Variants in NCOA5 observed in about 807,000 individuals in gnomAD.
The protein encoded by NCOA5 is NCoA-5.
A neutral mutation model predicts 59.0 loss-of-function variants in NCOA5; 12 were observed. The observed-to-expected ratio is 0.20, with a 90% CI of 0.13 to 0.33. NCOA5 has a LOEUF of 0.33. Ranked by LOEUF, NCOA5 falls within the 10% of genes least tolerant of loss-of-function variation. The probability of loss-of-function intolerance (pLI) is 1.00; values close to 1 mark genes in which losing one functional copy is unlikely to be tolerated. For synonymous variants in NCOA5, 270 were observed against 275.5 expected (o/e 0.98, Z 0.20); for missense variants, 655 against 766.6 (o/e 0.85, Z 1.72).
chr20:46,062,247 A>G lies in NCOA5; in HGVS notation c.*53T>C. ...CAAACAGCTCTATTTAGAACAAGTA[A>G]GTGGGAGGAGGCCAGGGGATGAGGG... On this transcript the variant is annotated 3_prime_UTR_variant, in exon 8 of 8. Transcript: ENST00000290231. 1 of 1,410,962 alleles carries G rather than the reference A, an allele frequency of 7.1e-7. No individual in the cohort carries two copies. Among genetic ancestry groups the G allele is most frequent in the South Asian group, 1.3e-5 (1 of 79,180 alleles). 87.4% of individuals were successfully genotyped at this position (1,410,962 alleles called of 1,614,324 possible). A position where few individuals can be genotyped will look rare whatever the true frequency, so the allele number is the denominator to read the frequency against.
At chr20:46,072,270 TCA>T (rs1568882213) in intron 2 of NCOA5, among the ~76,000 whole-genome samples, 2 of 152,194 alleles carry the variant, frequency 1.3e-5, no homozygotes, top group African/African-American at 4.8e-5. Context: ...TCCAGAAAGA[TCA>T]CTCTACAGTG....
At chr20:46,079,302 G>A (rs1306536957) in intron 2 of NCOA5, 85 bp downstream of exon 2, 3 of 1,325,550 alleles carry the variant, frequency 2.3e-6, no homozygotes, top group East Asian at 4.6e-5. Context: ...TTGGGGGGAA[G>A]AAAAGACCTT....
chr20:46,086,517 G>C (rs1245894753), intron 1 of NCOA5, among the ~76,000 whole-genome samples: 3 of 152,150 alleles, frequency 2.0e-5, no homozygotes, highest in African/African-American at 7.2e-5. Context: ...TGCTGCTTGA[G>C]ACAGTGGCTT....
Position 46,061,160 on chromosome 20 carries a change from C to T in NCOA5, c.*1140G>A, listed in dbSNP as rs1008851759. The T allele has an allele frequency of 6.6e-6, 1 of 152,296 alleles. No individual in the cohort carries two copies. The highest frequency in any genetic ancestry group is 1.5e-5 in the Non-Finnish European group (1 of 68,056). 9.4% of individuals were successfully genotyped at this position (152,296 alleles called of 1,614,324 possible). On this transcript the variant is annotated 3_prime_UTR_variant, in exon 8 of 8. Transcript: ENST00000290231. Reference sequence around the variant, plus strand: ...GTTTGCTTAACCACTGGCAGGGACTCAGCTGAAGTCGCTGCTCTCCCTCAC... The same window carrying T: ...GTTTGCTTAACCACTGGCAGGGACTTAGCTGAAGTCGCTGCTCTCCCTCAC...
At position 46,089,921 on chromosome 20, in the gene NCOA5, C is replaced by T. The variant is rs1485243175; in HGVS notation, c.-134G>A. The T allele has an allele frequency of 6.6e-6, 1 of 152,250 alleles. No homozygotes were observed. The highest frequency in any genetic ancestry group is 1.9e-4 in the East Asian group (1 of 5,194). 9.4% of individuals were successfully genotyped at this position (152,250 alleles called of 1,614,324 possible). On this transcript the variant is annotated 5_prime_UTR_variant, in exon 1 of 8. Transcript: ENST00000290231. Reference sequence around the variant, plus strand: ...GCCGTAGGACAAAGGCGCCACCAACCGACCGGCGCGGGCACGAGGCAATGG... The same window carrying T: ...GCCGTAGGACAAAGGCGCCACCAACTGACCGGCGCGGGCACGAGGCAATGG...
chr20:46,078,268 T>A (rs182637533), intron 2 of NCOA5, among the ~76,000 whole-genome samples: 55 of 152,360 alleles, frequency 3.6e-4, no homozygotes, highest in Admixed American at 5.2e-4. Context: ...AGTAGGAGTA[T>A]ATACATGAAA....
intron 1 of NCOA5, among the ~76,000 whole-genome samples, chr20:46,086,534 G>A (rs1285096389): frequency 6.6e-6 from 1 of 152,158 alleles, no homozygotes; most frequent in Non-Finnish European, 1.5e-5. Context: ...GCTTTACCCT[G>A]ATCCTGTCAT....
intron 6 of NCOA5, among the ~76,000 whole-genome samples, chr20:46,064,056 T>A (rs1325990652): frequency 6.6e-6 from 1 of 152,234 alleles, no homozygotes. Flanking sequence ...CAGGCCCCTC[T>A]GGAAAGCAGG....
At position 46,061,947 on chromosome 20, in the gene NCOA5, A is replaced by G. The variant is rs2084768906; in HGVS notation, c.*353T>C. ...CAATGAACAAAGGTGGTGGCTACTG[A>G]CATGACAAATGCCATTCCAAACTTG... is the stretch of plus-strand genomic sequence containing the variant. On this transcript the variant is annotated 3_prime_UTR_variant, in exon 8 of 8. Coordinates refer to ENST00000290231, the MANE Select transcript of NCOA5 (RefSeq NM_020967.3). 5.3e-6 allele frequency: 1 copy of G among 190,112 alleles called. No individual in the cohort carries two copies. The highest frequency in any genetic ancestry group is 2.3e-5 in the African/African-American group (1 of 42,578). The allele number at this position is 190,112 out of a possible 1,614,324, so 11.8% of individuals were successfully genotyped here. A position where few individuals can be genotyped will look rare whatever the true frequency, so the allele number is the denominator to read the frequency against.
intron 1 of NCOA5, among the ~76,000 whole-genome samples, chr20:46,087,341 A>G (rs947098354): frequency 6.6e-6 from 1 of 152,254 alleles, no homozygotes; most frequent in Non-Finnish European, 1.5e-5. Context: ...CACAGTAGTA[A>G]AACATTACAC....
chr20:46,063,197 T>C, intron 7 of NCOA5, 163 bp downstream of exon 7: 5 of 673,178 alleles, frequency 7.4e-6, no homozygotes, highest in South Asian at 5.8e-5. Flanking sequence ...AAAGTTATTA[T>C]TAACATTATA....
intron 2 of NCOA5, among the ~76,000 whole-genome samples, chr20:46,074,609 T>C (rs1365977489): frequency 6.6e-6 from 1 of 152,120 alleles, no homozygotes; most frequent in Non-Finnish European, 1.5e-5. Flanking sequence ...GTCACACTGC[T>C]GGGAAACATT....
At chr20:46,087,996 T>TAC (rs2085061808) in intron 1 of NCOA5, among the ~76,000 whole-genome samples, 1 of 133,312 alleles carries the variant, frequency 7.5e-6, no homozygotes, top group Non-Finnish European at 1.7e-5. Context: ...CATATACATA[T>TAC]ATATATATTT....
chr20:46,072,912 C>T (rs1365093890), intron 2 of NCOA5, among the ~76,000 whole-genome samples: 2 of 152,224 alleles, frequency 1.3e-5, no homozygotes, highest in African/African-American at 2.4e-5. Flanking sequence ...GCACTACAAA[C>T]CCACTATGTA....
chr20:46,078,438 T>C (rs1247775969), intron 2 of NCOA5, among the ~76,000 whole-genome samples: 1 of 152,250 alleles, frequency 6.6e-6, no homozygotes, highest in Non-Finnish European at 1.5e-5. Context: ...TATGCAGCAC[T>C]GTCCAGTTCA....
At chr20:46,067,817 A>T (rs555348327) in intron 4 of NCOA5, among the ~76,000 whole-genome samples, 7 of 150,236 alleles carry the variant, frequency 4.7e-5, no homozygotes, top group African/African-American at 1.5e-4. Context: ...TAAAAGTTAT[A>T]AAAAAAACCA....
Position 46,068,623 on chromosome 20 carries a change from A to G in NCOA5, c.381T>C (p.Tyr127=), listed in dbSNP as rs762055356. ...RDPMYRREGS[Y]DRYLRMDDYC... Reference sequence around the variant, plus strand: ...AGTCATCCATTCGTAGGTATCGGTCATAAGAGCCTTCTCTCCTGAAAAGTT... The same window carrying G: ...AGTCATCCATTCGTAGGTATCGGTCGTAAGAGCCTTCTCTCCTGAAAAGTT... Residue 127 remains tyrosine, a synonymous_variant, in exon 4 of 8, where the codon TAT becomes TAC. Transcript: ENST00000290231. 2.5e-6 allele frequency: 4 copies of G among 1,611,020 alleles called. No homozygotes were observed. The highest frequency in any genetic ancestry group is 4.5e-5 in the East Asian group (2 of 44,776).
intron 1 of NCOA5, among the ~76,000 whole-genome samples, chr20:46,088,208 G>A (rs1448586298): frequency 1.3e-5 from 2 of 152,174 alleles, no homozygotes; most frequent in Non-Finnish European, 2.9e-5. Context: ...GCAACATTGA[G>A]CAAACTGAAT....
chr20:46,064,998 A>T, intron 6 of NCOA5, 31 bp downstream of exon 6: 1 of 1,610,580 alleles, frequency 6.2e-7, no homozygotes. Flanking sequence ...ATAATGGACT[A>T]GTGACTACCT....
Sources: gnomAD v4.1 joint callset for allele counts (sites outside exome capture counted in the v4.1 genomes callset) on GRCh38, gnomAD v4.1.1 for gene constraint, MANE v1.5 for transcripts, NCBI Gene and HGNC (gene_info 2026-07-23, HGNC 2026-07-21) for gene names.